The following CADM1 variants were observed in gnomAD, a reference collection of about 807,000 sequenced individuals.
CADM1 encodes TSLC-1.
Under a neutral mutation model 53.1 loss-of-function variants are expected in CADM1, and 15 were observed. That is an observed-to-expected ratio of 0.28 (90% CI 0.19 to 0.44). The LOEUF is 0.44. Ranked by LOEUF, CADM1 falls within the 20% of genes least tolerant of loss-of-function variation. The probability of loss-of-function intolerance (pLI) is 1.00; values close to 1 mark genes in which losing one functional copy is unlikely to be tolerated. For synonymous variants in CADM1, 281 were observed against 243.0 expected, an observed-to-expected ratio of 1.16 and a Z score of -1.45; for missense variants, 434 against 611.3, an observed-to-expected ratio of 0.71 and a Z score of 3.06.
At chr11:115,344,707 C>G (rs1945532638) in intron 1 of CADM1, among the ~76,000 whole-genome samples, 1 of 152,120 alleles carries the variant, frequency 6.6e-6, no homozygotes, top group Non-Finnish European at 1.5e-5. Flanking sequence ...TCCTGACACT[C>G]TAATACAAAC....
chr11:115,500,080 G>A (rs1475345115), intron 1 of CADM1, among the ~76,000 whole-genome samples: 2 of 152,062 alleles, frequency 1.3e-5, no homozygotes, highest in Non-Finnish European at 2.9e-5. Context: ...AACAGATGTC[G>A]CTGTGTGATT....
intron 1 of CADM1, chr11:115,241,069 CT>C (rs1942212008): frequency 6.5e-6 from 1 of 152,984 alleles, no homozygotes; most frequent in Admixed American, 6.5e-5. Flanking sequence ...ACTGACACCC[CT>C]ATCTGCAAAT....
chr11:115,350,383 T>C (rs948226050), intron 1 of CADM1, among the ~76,000 whole-genome samples: 1 of 152,012 alleles, frequency 6.6e-6, no homozygotes, highest in Admixed American at 6.6e-5. Flanking sequence ...CAGTGGATAT[T>C]AAAGGGAAGG....
At chr11:115,439,312 G>C (rs540324356) in intron 1 of CADM1, among the ~76,000 whole-genome samples, 2 of 152,298 alleles carry the variant, frequency 1.3e-5, no homozygotes, top group South Asian at 4.1e-4. Flanking sequence ...GGCATTTCAA[G>C]AAGAGCCTAG....
At chr11:115,350,132 T>C (rs968074548) in intron 1 of CADM1, among the ~76,000 whole-genome samples, 2 of 152,098 alleles carry the variant, frequency 1.3e-5, no homozygotes, top group Non-Finnish European at 2.9e-5. Context: ...CCACCATGAC[T>C]GGCTAACTTT....
chr11:115,229,437 T>C (rs957695749), intron 4 of CADM1, among the ~76,000 whole-genome samples, 166 bp from the exon 5 acceptor site: 1 of 152,220 alleles, frequency 6.6e-6, no homozygotes. Flanking sequence ...GATAAAGTTT[T>C]TATTTCCTTA....
chr11:115,438,878 T>C (rs1948243220), intron 1 of CADM1, among the ~76,000 whole-genome samples: 1 of 152,206 alleles, frequency 6.6e-6, no homozygotes, highest in Non-Finnish European at 1.5e-5. Context: ...CGAGAAGCTA[T>C]CTGATGGTTT....
At chr11:115,202,175 TTAAC>T (rs1393612600) in intron 8 of CADM1, among the ~76,000 whole-genome samples, 2 of 90,838 alleles carry the variant, frequency 2.2e-5, no homozygotes, top group African/African-American at 4.4e-5. Context: ...CACTAGCAAT[TTAAC>T]TAAGTAGCAA....
chr11:115,359,946 T>A (rs1945983754), intron 1 of CADM1, among the ~76,000 whole-genome samples: 1 of 152,194 alleles, frequency 6.6e-6, no homozygotes, highest in African/African-American at 2.4e-5. Flanking sequence ...TTTCTAGGTA[T>A]CCTTCATTCA....
At chr11:115,220,029 C>T (rs1027865249) in intron 5 of CADM1, among the ~76,000 whole-genome samples, 1 of 152,062 alleles carries the variant, frequency 6.6e-6, no homozygotes, top group Non-Finnish European at 1.5e-5. Flanking sequence ...AAAATTTGGG[C>T]TGAAATGTAA....
At chr11:115,434,442 G>A (rs144060765) in intron 1 of CADM1, among the ~76,000 whole-genome samples, 177 of 152,296 alleles carry the variant, frequency 1.2e-3, no homozygotes, top group South Asian at 6.6e-3. Flanking sequence ...TACATTGCCC[G>A]ACGCTGACTA....
chr11:115,214,881 G>T (rs1397896371), intron 6 of CADM1, 101 bp from the exon 7 acceptor site: 1 of 1,144,784 alleles, frequency 8.7e-7, no homozygotes, highest in Non-Finnish European at 1.3e-6. Flanking sequence ...GGACCTACTG[G>T]AGATATTTTA....
intron 11 of CADM1, among the ~76,000 whole-genome samples, chr11:115,177,808 G>A (rs1939108823): frequency 1.3e-5 from 2 of 152,096 alleles, no homozygotes; most frequent in Admixed American, 1.3e-4. Flanking sequence ...GTATCCTAAA[G>A]GTGCCTAAGT....
chr11:115,259,425 C>A (rs1046496078), intron 1 of CADM1, among the ~76,000 whole-genome samples: 1 of 150,508 alleles, frequency 6.6e-6, no homozygotes, highest in South Asian at 2.1e-4. Context: ...CTTGCCTCAG[C>A]CCCCCAAGTG....
chr11:115,426,017 G>A (rs1301309323), intron 1 of CADM1, among the ~76,000 whole-genome samples: 3 of 152,184 alleles, frequency 2.0e-5, no homozygotes, highest in Non-Finnish European at 4.4e-5. Context: ...GGAACGCTCT[G>A]CGGGAACAGA....
At chr11:115,412,646 A>G (rs1947486846) in intron 1 of CADM1, among the ~76,000 whole-genome samples, 1 of 152,240 alleles carries the variant, frequency 6.6e-6, no homozygotes, top group Admixed American at 6.5e-5. Context: ...CTGAGAGATA[A>G]TAATCCACAG....
At chr11:115,283,774 G>A (rs1296093875) in intron 1 of CADM1, among the ~76,000 whole-genome samples, 2 of 152,142 alleles carry the variant, frequency 1.3e-5, no homozygotes, top group Admixed American at 6.5e-5. Flanking sequence ...CAAGGTCTGG[G>A]CAAGGCTCCC....
In CADM1 at chr11:115,178,661, T is replaced by C. The variant is rs757286282; in HGVS notation, c.1280A>G (p.Tyr427Cys). The change falls in exon 11 of 12, where the codon TAT becomes TGT. Residue 427 changes from tyrosine to cysteine, a missense_variant. Around this residue, in one of 4 missense-constraint regions of CADM1, gnomAD observed 311 missense variants for 435.1 expected, o/e 0.71. Coordinates refer to ENST00000331581, the MANE Select transcript of CADM1 (RefSeq NM_001301043.2). The stretch of plus-strand genomic sequence containing the variant: ...TTGCTTACCTTTATGTCTGGCAAAA[T>C]AGCGCCCCAGAATGATGAGCAAGCA... The part of the protein sequence containing the change: ...MLCLLIILGR[Y>C]FARHKGTYFT... 15 of 1,613,298 alleles carry C rather than the reference T, an allele frequency of 9.3e-6. No homozygotes were observed. Among genetic ancestry groups the C allele is most frequent in the Non-Finnish European group, 1.3e-5 (15 of 1,179,986 alleles).
In CADM1 at chr11:115,346,300, G is replaced by A. The variant is rs59062868; in HGVS notation, c.125-105880C>T. 8.5e-3 allele frequency among the ~76,000 whole-genome samples: 1,287 copies of A among 152,266 alleles called. 18 individuals carry two copies. The highest frequency in any genetic ancestry group is 0.028 in the African/African-American group (1,145 of 41,548). ...CAAGTGAATGTCAAAGTCAGAATAA[G>A]CAAAACAGAATTGGATTAACCTACT... On this transcript the variant is annotated intron_variant, in intron 1 of 11. Transcript: ENST00000331581.
Sources: allele counts gnomAD v4.1 joint callset (sites outside exome capture counted in the v4.1 genomes callset), GRCh38; gene constraint gnomAD v4.1.1; regional missense constraint gnomAD v4.1.1; transcripts MANE v1.5; gene names NCBI Gene and HGNC (gene_info 2026-07-23, HGNC 2026-07-21).